The following RSKR variants were observed in gnomAD, a reference collection of about 807,000 sequenced individuals.
RSKR encodes ribosomal protein S6 kinase related.
Under a neutral mutation model 56.8 loss-of-function variants are expected in RSKR, and 44 were observed. The observed-to-expected ratio is 0.77, with a 90% CI of 0.61 to 1.00. The LOEUF (loss-of-function observed/expected upper bound fraction) is 1.00, where lower values mean the gene tolerates loss of function less well. Among genes scored for constraint, RSKR ranks in the 50% least tolerant of loss-of-function variants. The pLI, the probability that RSKR is intolerant of heterozygous loss-of-function variation, is 0.00. For missense variants in RSKR, 510 were observed against 506.9 expected (o/e 1.01, Z -0.06); for synonymous variants, 181 against 188.0 (o/e 0.96, Z 0.30).
rs373196315 is a variant in RSKR, at chr17:28,611,662, A to T, written c.722-6T>A. 367 of 1,599,958 alleles carry T rather than the reference A, an allele frequency of 2.3e-4. No individual in the cohort carries two copies. In the African/African-American group the frequency reaches 4.5e-3, roughly 20 times the overall value. ...GTCTGTCAGTTTCAGATGGCCTATG[A>T]AAGAAGGTAAGGCAACTGCACCACT... On this transcript the variant is annotated splice_polypyrimidine_tract_variant and splice_region_variant and intron_variant, in intron 8 of 11. Coordinates refer to ENST00000301037, the MANE Select transcript of RSKR (RefSeq NM_001174103.2).
intron 5 of RSKR, 88 bp downstream of exon 5, chr17:28,612,530 C>G: frequency 6.7e-7 from 1 of 1,482,264 alleles, no homozygotes; most frequent in South Asian, 1.2e-5. Flanking sequence ...GGGGACAGAG[C>G]AAAGGCAGAA....
At position 28,612,193 on chromosome 17, in the gene RSKR, A is replaced by C. The variant is rs796254072; in HGVS notation, c.652+69T>G. On this transcript the variant is annotated intron_variant, in intron 6 of 11. Coordinates refer to ENST00000301037, the MANE Select transcript of RSKR (RefSeq NM_001174103.2). ...TTCTTTAACTTCCATTATTAATATT[A>C]ATTTTTTACTCTCCTTCTTCCGAAC... 6.9e-6 allele frequency: 11 copies of C among 1,586,120 alleles called. No individual in the cohort carries two copies. The African/African-American group carries it at 1.5e-4, about 21-fold the overall frequency.
intron 1 of RSKR, 87 bp from the exon 2 acceptor site, chr17:28,613,775 G>A: frequency 6.4e-7 from 1 of 1,558,918 alleles, no homozygotes. Context: ...CTCCCCTTAA[G>A]TCTCAACCCC....
intron 1 of RSKR, 119 bp downstream of exon 1, chr17:28,613,968 C>A: frequency 7.4e-7 from 1 of 1,348,428 alleles, no homozygotes; most frequent in Non-Finnish European, 1.0e-6. Flanking sequence ...AGTACAGCCT[C>A]CCTGCCCCAC....
rs759820606 is a variant in RSKR at position 28,614,116 on chromosome 17, CCCCCTGCTGGGTGTGCTG to C, written c.28_45del (p.Gln10_Gly15del). 15 of 1,613,552 alleles carry C rather than the reference CCCCCTGCTGGGTGTGCTG, an allele frequency of 9.3e-6. No homozygotes were observed. Among genetic ancestry groups the C allele is most frequent in the Middle Eastern group, 1.6e-4 (1 of 6,084 alleles). On this transcript the variant is annotated inframe_deletion, in exon 1 of 12. Transcript: ENST00000301037. ...TGAGGGACAGCCACCCGGGTGTGTT[CCCCCTGCTGGGTGTGCTG>C]CCCCTGCCGACAGCTTACTGCTCCC...
rs776688490 is a variant in RSKR at position 28,611,788 on chromosome 17, T to G, written c.701A>C (p.Asn234Thr). The part of the protein sequence containing the change: ...GIMHRDVKME[N>T]ILLDERGHLK... The stretch of plus-strand genomic sequence containing the variant: ...CTTACCTCGTTCATCTAGAAGAATA[T>G]TCTCCATCTGAAAGATCACAGGTGA... The change falls in exon 8 of 12, where the codon AAT (asparagine) becomes ACT (threonine). Residue 234 changes from asparagine (N) to threonine (T), a missense_variant. Coordinates refer to ENST00000301037, the MANE Select transcript of RSKR (RefSeq NM_001174103.2). 3 of 1,614,090 alleles carry G rather than the reference T, an allele frequency of 1.9e-6. No homozygotes were observed. Among genetic ancestry groups the G allele is most frequent in the Non-Finnish European group, 2.5e-6 (3 of 1,180,044 alleles).
chr17:28,610,808 G>C, intron 11 of RSKR, 109 bp from the exon 12 acceptor site: 1 of 1,053,526 alleles, frequency 9.5e-7, no homozygotes, highest in Non-Finnish European at 1.3e-6. Context: ...GTAGGAATAA[G>C]AACCCTGAAG....
At chr17:28,612,828 C>T in intron 4 of RSKR, 141 bp from the exon 5 acceptor site, 1 of 825,148 alleles carries the variant, frequency 1.2e-6, no homozygotes, top group Non-Finnish European at 2.0e-6. Flanking sequence ...ATATTTGGAA[C>T]TGACTATCTG....
rs2070767839 is a variant in RSKR at position 28,608,137 on chromosome 17, A to G, written c.*2341T>C. ...CATGACTAGCATACAAAATACATAA[A>G]CACTTGCTGAAGGTAGACCACAAAT... is the stretch of plus-strand genomic sequence containing the variant. On this transcript the variant is annotated 3_prime_UTR_variant, in exon 12 of 12. Transcript: ENST00000301037. 6.6e-6 allele frequency: 1 copy of G among 152,200 alleles called. No individual in the cohort carries two copies. Among genetic ancestry groups the G allele is most frequent in the Admixed American group, 6.5e-5 (1 of 15,270 alleles). The allele number at this position is 152,200 out of a possible 1,614,324, so 9.4% of individuals were successfully genotyped here.
rs749187249 is a variant in RSKR, at chr17:28,614,125, G to A, written c.37C>T (p.Gln13Ter). 5 of 1,613,658 alleles carry A rather than the reference G, an allele frequency of 3.1e-6. No individual in the cohort carries two copies. The highest frequency in any genetic ancestry group is 1.1e-5 in the South Asian group (1 of 91,084). Residue 13 changes from glutamine to a stop codon, truncating the protein, a stop_gained, in exon 1 of 12, where the codon CAG becomes TAG. Coordinates refer to ENST00000301037, the MANE Select transcript of RSKR (RefSeq NM_001174103.2). LOFTEE classifies it high-confidence loss of function. ...AVSCRQGQHT[Q>*]QGEHTRVAVP... ...GCCACCCGGGTGTGTTCCCCCTGCT[G>A]GGTGTGCTGCCCCTGCCGACAGCTT...
chr17:28,612,668 A>G lies in RSKR; in HGVS notation c.497T>C (p.Phe166Ser), dbSNP rs1158546123. 2.5e-6 allele frequency: 4 copies of G among 1,614,182 alleles called. No individual in the cohort carries two copies. The highest frequency in any genetic ancestry group is 3.4e-6 in the Non-Finnish European group (4 of 1,180,018). Reference protein sequence around the residue: ...VSIQRQINHPFVHSLGDSWQG... With the variant: ...VSIQRQINHPSVHSLGDSWQG... ...CCAGCTGTCCCCCAAGCTGTGTACA[A>G]AGGGATGGTTGATCTGTCGCTAGGA... Residue 166 changes from phenylalanine to serine, a missense_variant, in exon 5 of 12, where the codon TTT (phenylalanine) becomes TCT (serine). Physicochemically the swap from Phe to Ser is radical, Grantham distance 155. Coordinates refer to ENST00000301037, the MANE Select transcript of RSKR (RefSeq NM_001174103.2).
intron 7 of RSKR, 97 bp from the exon 8 acceptor site, chr17:28,611,892 T>G (rs1186510605): frequency 6.2e-7 from 1 of 1,611,782 alleles, no homozygotes; most frequent in Non-Finnish European, 8.5e-7. Context: ...TACTCAGCAC[T>G]CAAATCTATA....
intron 5 of RSKR, 43 bp from the exon 6 acceptor site, chr17:28,612,409 G>A (rs1389055590): frequency 2.5e-6 from 4 of 1,592,740 alleles, no homozygotes; most frequent in Non-Finnish European, 3.4e-6. Flanking sequence ...CAGAAGTCTA[G>A]GCAATGTTTG....
intron 9 of RSKR, 30 bp downstream of exon 9, chr17:28,611,537 T>C: frequency 6.4e-7 from 1 of 1,562,846 alleles, no homozygotes; most frequent in Non-Finnish European, 8.6e-7. Flanking sequence ...TCCTGCCCAA[T>C]GCTTACCCAT....
In RSKR at chr17:28,610,641, G is replaced by A. The variant is rs540933053; in HGVS notation, c.1070C>T (p.Pro357Leu). ...LRYLHHFQVH[P>L]FFRGVAFDPE... ...GTCGAAGGCCACACCCCGAAAGAAA[G>A]GGTGGACCTGGAAGTGATGCAGATA... Residue 357 changes from proline to leucine, a missense_variant, in exon 12 of 12, where the codon CCT becomes CTT. By Grantham distance (98) the Pro-to-Leu change is moderately conservative (BLOSUM62 -3). Coordinates refer to ENST00000301037, the MANE Select transcript of RSKR (RefSeq NM_001174103.2). The A allele has an allele frequency of 2.0e-6, 3 of 1,536,132 alleles. No individual in the cohort carries two copies. The highest frequency in any genetic ancestry group is 2.4e-5 in the East Asian group (1 of 40,910).
At position 28,614,076 on chromosome 17, in the gene RSKR, C is replaced by T; in HGVS notation, c.75+11G>A. On this transcript the variant is annotated intron_variant, in intron 1 of 11. Coordinates refer to ENST00000301037, the MANE Select transcript of RSKR (RefSeq NM_001174103.2). ...CTCCCCTCAGTAGGCTGCCAGAGCC[C>T]CACAGCCTACCTTGTGAGGGACAGC... The T allele has an allele frequency of 1.2e-6, 2 of 1,612,028 alleles. No individual in the cohort carries two copies. The highest frequency in any genetic ancestry group is 1.7e-6 in the Non-Finnish European group (2 of 1,178,636).
chr17:28,611,844 C>CT, intron 7 of RSKR, 49 bp from the exon 8 acceptor site: 1 of 1,613,830 alleles, frequency 6.2e-7, no homozygotes. Context: ...TTTCAACTCT[C>CT]TTTCATCATG....
chr17:28,612,474 C>T (rs2070830848), intron 5 of RSKR, 108 bp from the exon 6 acceptor site: 1 of 1,374,780 alleles, frequency 7.3e-7, no homozygotes, highest in Non-Finnish European at 1.0e-6. Context: ...AAACTGATAC[C>T]ACCTGCTGTT....
At position 28,608,170 on chromosome 17, in the gene RSKR, T is replaced by C. The variant is rs2070768096; in HGVS notation, c.*2308A>G. ...TGAAGGTAGACCACAAATTGGGCTC[T>C]AAATGGTCTAGTATCAGTACAAACA... On this transcript the variant is annotated 3_prime_UTR_variant, in exon 12 of 12. Coordinates refer to ENST00000301037, the MANE Select transcript of RSKR (RefSeq NM_001174103.2). 1.3e-5 allele frequency: 2 copies of C among 152,200 alleles called. No individual in the cohort carries two copies. The highest frequency in any genetic ancestry group is 2.9e-5 in the Non-Finnish European group (2 of 68,052). The allele number at this position is 152,200 out of a possible 1,614,324, so 9.4% of individuals were successfully genotyped here.
Sources: allele counts gnomAD v4.1 joint callset, GRCh38; gene constraint gnomAD v4.1.1; transcripts MANE v1.5; gene names NCBI Gene and HGNC (gene_info 2026-07-23, HGNC 2026-07-21).